Variants in HIBADH observed in about 807,000 individuals in gnomAD.
The protein encoded by HIBADH is 3-hydroxyisobutyrate dehydrogenase.
HIBADH carries 25 observed loss-of-function variants against 36.1 expected under a neutral mutation model. The ratio of observed to expected loss-of-function variants is 0.69; its 90% CI spans 0.50 to 0.97. The LOEUF (loss-of-function observed/expected upper bound fraction) is 0.97, where lower values mean the gene tolerates loss of function less well. HIBADH is among the 50% of genes least tolerant of loss of function. The probability of loss-of-function intolerance (pLI) is 0.00; values close to 1 mark genes in which losing one functional copy is unlikely to be tolerated. For missense variants in HIBADH, 421 were observed against 418.0 expected (o/e 1.01, Z -0.06); for synonymous variants, 160 against 149.5 (o/e 1.07, Z -0.51).
chr7:27,651,586 TA>T (rs1786196900), intron 1 of HIBADH, among the ~76,000 whole-genome samples: 1 of 152,220 alleles, frequency 6.6e-6, no homozygotes, highest in Non-Finnish European at 1.5e-5. Flanking sequence ...TTTAGCAATC[TA>T]AAAACTTCAG....
chr7:27,637,690 C>A (rs902333354), intron 2 of HIBADH, among the ~76,000 whole-genome samples: 1 of 152,110 alleles, frequency 6.6e-6, no homozygotes, highest in Non-Finnish European at 1.5e-5. Flanking sequence ...CTAGAAAACC[C>A]CATAGTCTCA....
chr7:27,575,109 C>A (rs1784688650), intron 4 of HIBADH, among the ~76,000 whole-genome samples: 1 of 152,092 alleles, frequency 6.6e-6, no homozygotes, highest in South Asian at 2.1e-4. Context: ...TTACTTTTCC[C>A]AGAATAAAAT....
chr7:27,640,766 T>C (rs1432333851), intron 2 of HIBADH, among the ~76,000 whole-genome samples: 1 of 152,184 alleles, frequency 6.6e-6, no homozygotes, highest in Non-Finnish European at 1.5e-5. Context: ...GTATTTCTTC[T>C]AGGCTACAAA....
At chr7:27,564,457 A>G (rs1784511955) in intron 4 of HIBADH, among the ~76,000 whole-genome samples, 1 of 152,150 alleles carries the variant, frequency 6.6e-6, no homozygotes, top group Admixed American at 6.5e-5. Flanking sequence ...TTGCCTTTGC[A>G]CATTTGTCAA....
In HIBADH at chr7:27,585,259, G is replaced by A. The variant is rs571516378; in HGVS notation, c.485-42159C>T. The stretch of plus-strand genomic sequence containing the variant: ...CACACACGTGTGCATATATACACAC[G>A]TGTGTATGTATGTGTATGTATATGC... On this transcript the variant is annotated intron_variant, in intron 4 of 7. Transcript: ENST00000265395. 2.0e-3 allele frequency among the ~76,000 whole-genome samples: 225 copies of A among 112,762 alleles called. 1 individual carries two copies. Among genetic ancestry groups the A allele is most frequent in the Middle Eastern group, 0.012 (3 of 248 alleles). The allele number at this position is 112,762 out of a possible 152,430, so 74.0% of individuals were successfully genotyped here.
chr7:27,645,373 T>TTTTTTTTTTTG (rs1562657239), intron 2 of HIBADH, among the ~76,000 whole-genome samples: 4 of 120,964 alleles, frequency 3.3e-5, no homozygotes, highest in Non-Finnish European at 5.1e-5. Flanking sequence ...TTTTGATTTT[T>TTTTTTTTTTTG]TTTTTTTTTT....
At chr7:27,643,032 C>T (rs1477985328) in intron 2 of HIBADH, among the ~76,000 whole-genome samples, 1 of 152,178 alleles carries the variant, frequency 6.6e-6, no homozygotes, top group Non-Finnish European at 1.5e-5. Flanking sequence ...CTAATGTGAC[C>T]TTTTACTTTT....
chr7:27,649,737 A>T, intron 1 of HIBADH, 104 bp from the exon 2 acceptor site: 1 of 1,152,280 alleles, frequency 8.7e-7, no homozygotes, highest in Non-Finnish European at 1.2e-6. Context: ...TTTTTAATAA[A>T]AGAAACTTTC....
At chr7:27,577,551 T>A (rs1784730185) in intron 4 of HIBADH, among the ~76,000 whole-genome samples, 1 of 152,224 alleles carries the variant, frequency 6.6e-6, no homozygotes, top group Non-Finnish European at 1.5e-5. Flanking sequence ...TTAAACCCAA[T>A]TTAAAAATCC....
At chr7:27,607,722 C>T (rs1378941947) in intron 4 of HIBADH, among the ~76,000 whole-genome samples, 9 of 146,098 alleles carry the variant, frequency 6.2e-5, no homozygotes, top group South Asian at 2.3e-4. Context: ...CCTCCAGCTG[C>T]TTATCTAATG....
intron 4 of HIBADH, among the ~76,000 whole-genome samples, chr7:27,622,707 G>T (rs139550174): frequency 6.6e-6 from 1 of 151,852 alleles, no homozygotes; most frequent in Non-Finnish European, 1.5e-5. Context: ...AGAAACATAC[G>T]ACCTACCAAG....
At position 27,555,216 on chromosome 7, in the gene HIBADH, G is replaced by C. The variant is rs75487902; in HGVS notation, c.485-12116C>G. On this transcript the variant is annotated intron_variant, in intron 4 of 7. Coordinates refer to ENST00000265395, the MANE Select transcript of HIBADH (RefSeq NM_152740.4). ...TGTATATGTGATAAAGGCAACCACT[G>C]CTTAATGGTGGTAATTTAAGTGGGG... Among the ~76,000 whole-genome samples, 387 of 151,490 alleles carry C rather than the reference G, an allele frequency of 2.6e-3. 14 individuals carry two copies. In the East Asian group the frequency reaches 0.062, roughly 24 times the overall value.
chr7:27,611,896 C>G (rs1785327779), intron 4 of HIBADH, among the ~76,000 whole-genome samples: 1 of 152,194 alleles, frequency 6.6e-6, no homozygotes, highest in Admixed American at 6.5e-5. Context: ...CCTTTTCATT[C>G]AAATTTCTGC....
intron 4 of HIBADH, among the ~76,000 whole-genome samples, chr7:27,568,921 A>ATT (rs70994661): frequency 0.043 from 6,215 of 144,278 alleles, 446 homozygotes; most frequent in African/African-American, 0.15. Flanking sequence ...TTTTTTCCAA[A>ATT]TTTTTTTTTT....
At chr7:27,649,446 A>G in intron 2 of HIBADH, 27 bp downstream of exon 2, 2 of 1,549,002 alleles carry the variant, frequency 1.3e-6, no homozygotes, top group African/African-American at 1.4e-5. Flanking sequence ...CTCAAAATCT[A>G]AAACAAATCT....
chr7:27,570,688 A>G (rs1197349987), intron 4 of HIBADH, among the ~76,000 whole-genome samples: 1 of 151,646 alleles, frequency 6.6e-6, no homozygotes, highest in East Asian at 1.9e-4. Flanking sequence ...TATATAAATT[A>G]TACCTCAATA....
chr7:27,554,131 G>A (rs998581246), intron 4 of HIBADH, among the ~76,000 whole-genome samples: 4 of 152,136 alleles, frequency 2.6e-5, no homozygotes, highest in Non-Finnish European at 4.4e-5. Context: ...GATTACAGGC[G>A]CCCACTACCA....
In HIBADH at chr7:27,596,694, T is replaced by C. The variant is rs575070877; in HGVS notation, c.484+32677A>G. ...TTTATTACAGGCTGAATGTCCCTTA[T>C]CTAAAATGCTTGGGACCAAAAGTGT... On this transcript the variant is annotated intron_variant, in intron 4 of 7. Transcript: ENST00000265395. Among the ~76,000 whole-genome samples the C allele has an allele frequency of 1.8e-4, 27 of 152,338 alleles. No individual in the cohort carries two copies. The Middle Eastern group carries it at 0.01, about 58-fold the overall frequency.
At chr7:27,615,968 G>A (rs1416413476) in intron 4 of HIBADH, among the ~76,000 whole-genome samples, 1 of 152,166 alleles carries the variant, frequency 6.6e-6, no homozygotes, top group African/African-American at 2.4e-5. Flanking sequence ...ACCATTTAGT[G>A]TTGCTATAAA....
Sources: gnomAD v4.1 joint callset for allele counts (sites outside exome capture counted in the v4.1 genomes callset) on GRCh38, gnomAD v4.1.1 for gene constraint, MANE v1.5 for transcripts, NCBI Gene and HGNC (gene_info 2026-07-23, HGNC 2026-07-21) for gene names.